The following SMYD3 variants were observed in gnomAD, a reference collection of about 807,000 sequenced individuals.
The protein encoded by SMYD3 is SET and MYND domain containing 3.
A neutral mutation model predicts 57.7 loss-of-function variants in SMYD3; 36 were observed. That is an observed-to-expected ratio of 0.62 (90% CI 0.48 to 0.82). The LOEUF (loss-of-function observed/expected upper bound fraction) is 0.82, where lower values mean the gene tolerates loss of function less well. Among genes scored for constraint, SMYD3 ranks in the 40% least tolerant of loss-of-function variants. The probability of loss-of-function intolerance (pLI) is 0.00; values close to 1 mark genes in which losing one functional copy is unlikely to be tolerated. For missense variants in SMYD3, 515 were observed against 538.8 expected, an observed-to-expected ratio of 0.96 and a Z score of 0.44; for synonymous variants, 211 against 195.0, an observed-to-expected ratio of 1.08 and a Z score of -0.68.
At chr1:246,193,635 G>C (rs1171486770) in intron 5 of SMYD3, 3 of 152,292 alleles carry the variant, frequency 2.0e-5, no homozygotes, top group African/African-American at 7.2e-5. Flanking sequence ...TTAGCTGCTA[G>C]TCATAATCAG....
intron 8 of SMYD3, among the ~76,000 whole-genome samples, chr1:245,891,998 A>T (rs1456252066): frequency 6.6e-6 from 1 of 152,184 alleles, no homozygotes; most frequent in Non-Finnish European, 1.5e-5. Context: ...ACACCACTGC[A>T]CTTCAGCCTG....
At chr1:246,169,399 A>T (rs1380634141) in intron 5 of SMYD3, among the ~76,000 whole-genome samples, 1 of 149,936 alleles carries the variant, frequency 6.7e-6, no homozygotes, top group East Asian at 1.9e-4. Context: ...AAAAAAAAAA[A>T]AAAAACCTCT....
chr1:246,401,655 A>G (rs10754514), intron 1 of SMYD3, among the ~76,000 whole-genome samples: 49,369 of 151,632 alleles, frequency 0.33, 8,400 homozygotes, highest in Non-Finnish European at 0.36. Context: ...AATAAAAAAT[A>G]GAGTATGTAA....
intron 5 of SMYD3, among the ~76,000 whole-genome samples, chr1:246,077,734 A>G (rs2060572068): frequency 6.6e-6 from 1 of 151,978 alleles, no homozygotes; most frequent in Non-Finnish European, 1.5e-5. Context: ...CCACTACTCT[A>G]TGTGCCCATA....
chr1:246,008,286 C>T (rs776793840), intron 5 of SMYD3, among the ~76,000 whole-genome samples: 1 of 151,142 alleles, frequency 6.6e-6, no homozygotes, highest in Non-Finnish European at 1.5e-5. Flanking sequence ...CACAGACGCA[C>T]AGAGCGGTGT....
At chr1:246,301,518 A>C (rs577095372) in intron 5 of SMYD3, among the ~76,000 whole-genome samples, 1 of 152,316 alleles carries the variant, frequency 6.6e-6, no homozygotes, top group African/African-American at 2.4e-5. Context: ...AGATTGATTC[A>C]CCTAGCAAGT....
chr1:246,458,059 T>C (rs1382396092), intron 1 of SMYD3, among the ~76,000 whole-genome samples: 1 of 152,200 alleles, frequency 6.6e-6, no homozygotes, highest in Non-Finnish European at 1.5e-5. Flanking sequence ...TATTTTCTGG[T>C]CCAACTTTCC....
At chr1:246,014,830 A>G (rs897410805) in intron 5 of SMYD3, among the ~76,000 whole-genome samples, 2 of 151,810 alleles carry the variant, frequency 1.3e-5, no homozygotes, top group African/African-American at 2.4e-5. Context: ...CTGTCTCTCA[A>G]TCTTCTCTCT....
At chr1:245,752,182 G>C (rs1357074972) in intron 11 of SMYD3, among the ~76,000 whole-genome samples, 1 of 152,188 alleles carries the variant, frequency 6.6e-6, no homozygotes, top group African/African-American at 2.4e-5. Flanking sequence ...ACTCAACAAA[G>C]AGCCAGAGTG....
chr1:246,499,926 G>C (rs1376223902), intron 1 of SMYD3, among the ~76,000 whole-genome samples: 2 of 152,112 alleles, frequency 1.3e-5, no homozygotes, highest in African/African-American at 2.4e-5. Flanking sequence ...GGGGTCCTGA[G>C]ACTAAAAGGT....
intron 1 of SMYD3, among the ~76,000 whole-genome samples, chr1:246,445,890 G>A (rs1443103057): frequency 6.6e-6 from 1 of 150,780 alleles, no homozygotes; most frequent in Non-Finnish European, 1.5e-5. Flanking sequence ...GGGAATAAGA[G>A]AATTAACTTA....
intron 8 of SMYD3, among the ~76,000 whole-genome samples, chr1:245,910,859 A>T (rs991777428): frequency 6.6e-6 from 1 of 152,130 alleles, no homozygotes; most frequent in African/African-American, 2.4e-5. Flanking sequence ...ATTGAGCAAG[A>T]CCTCAAAAGC....
intron 10 of SMYD3, among the ~76,000 whole-genome samples, chr1:245,848,287 G>A (rs1422912202): frequency 1.3e-5 from 2 of 151,418 alleles, no homozygotes; most frequent in Non-Finnish European, 2.9e-5. Flanking sequence ...CTGTGTGTGT[G>A]TGTGTGTATT....
intron 5 of SMYD3, among the ~76,000 whole-genome samples, chr1:246,124,898 T>C (rs910079764): frequency 6.6e-5 from 10 of 151,950 alleles, no homozygotes; most frequent in African/African-American, 2.4e-4. Context: ...TGAAACCCCA[T>C]CTCTACTAAA....
chr1:246,028,728 A>T (rs1213302184), intron 5 of SMYD3, among the ~76,000 whole-genome samples: 1 of 152,214 alleles, frequency 6.6e-6, no homozygotes, highest in African/African-American at 2.4e-5. Flanking sequence ...ATATTTTTTT[A>T]AATCCTAAAA....
At chr1:246,499,978 A>C (rs61839842) in intron 1 of SMYD3, among the ~76,000 whole-genome samples, 13,561 of 152,162 alleles carry the variant, frequency 0.089, 641 homozygotes, top group Middle Eastern at 0.21. Flanking sequence ...CTTAAATGCC[A>C]GAGTATGTTA....
At chr1:246,003,407 C>A (rs892619668) in intron 5 of SMYD3, among the ~76,000 whole-genome samples, 1 of 152,144 alleles carries the variant, frequency 6.6e-6, no homozygotes, top group African/African-American at 2.4e-5. Flanking sequence ...CAATTCCAGG[C>A]AATAAATACA....
chr1:246,187,994 T>C (rs1263041021), intron 5 of SMYD3, among the ~76,000 whole-genome samples: 1 of 152,100 alleles, frequency 6.6e-6, no homozygotes, highest in Non-Finnish European at 1.5e-5. Context: ...AGTAGACCTC[T>C]TGGTGTCAAG....
At chr1:246,503,792 A>G (rs10802418) in intron 1 of SMYD3, among the ~76,000 whole-genome samples, 94,943 of 151,538 alleles carry the variant, frequency 0.63, 31,199 homozygotes, top group Admixed American at 0.72. Flanking sequence ...GTGAAACCCC[A>G]TCTCTACTAA....
Sources: allele counts gnomAD v4.1 joint callset (sites outside exome capture counted in the v4.1 genomes callset), GRCh38; gene constraint gnomAD v4.1.1; transcripts MANE v1.5; gene names NCBI Gene and HGNC (gene_info 2026-07-23, HGNC 2026-07-21).